Variants in C1orf174 observed in about 807,000 individuals in gnomAD.
C1orf174 encodes the protein UPF0688 protein C1orf174.
A neutral mutation model predicts 18.4 loss-of-function variants in C1orf174; 13 were observed. The observed-to-expected ratio is 0.71, with a 90% CI of 0.46 to 1.12. C1orf174 has a LOEUF of 1.12. Among genes scored for constraint, C1orf174 ranks in the 50% most tolerant of loss-of-function variants. The pLI, the probability that C1orf174 is intolerant of heterozygous loss-of-function variation, is 0.00. For missense variants in C1orf174, 309 were observed against 308.0 expected, an observed-to-expected ratio of 1.00 and a Z score of -0.02; for synonymous variants, 100 against 118.3, an observed-to-expected ratio of 0.85 and a Z score of 1.01.
At chr1:3,898,513 CAAA>C (rs1233645020) in intron 1 of C1orf174, among the ~76,000 whole-genome samples, 4 of 115,156 alleles carry the variant, frequency 3.5e-5, no homozygotes, top group Non-Finnish European at 5.5e-5. Context: ...GGTCTCAAAG[CAAA>C]AACAACAACA....
intron 1 of C1orf174, chr1:3,895,187 A>G (rs1381567942): frequency 6.6e-6 from 1 of 152,314 alleles, no homozygotes; most frequent in African/African-American, 2.4e-5. Flanking sequence ...GAACAGCTTT[A>G]AAGGAGTGGC....
rs145544758 is a variant in C1orf174, at chr1:3,893,675, G to A, written c.16-679C>T. Among the ~76,000 whole-genome samples the A allele has an allele frequency of 4.1e-3, 631 of 152,292 alleles. 2 individuals carry two copies. Among genetic ancestry groups the A allele is most frequent in the African/African-American group, 0.014 (581 of 41,562 alleles). ...CTTGGGAAGCTGAGGTAGGAGGATC[G>A]CTCGAGCCCAGGAGTTCAAGACCAG... is the stretch of plus-strand genomic sequence containing the variant. On this transcript the variant is annotated intron_variant, in intron 1 of 3. Coordinates refer to ENST00000361605, the MANE Select transcript of C1orf174 (RefSeq NM_207356.3).
In C1orf174 at chr1:3,900,158, G is replaced by T; in HGVS notation, c.15+14C>A. On this transcript the variant is annotated intron_variant, in intron 1 of 3. Transcript: ENST00000361605. ...CCCTGCCCGGCGCAGCTGCTGCCGG[G>T]ACCCAGCCCTCACCTTCCGGCTCCT... 1 of 1,580,216 alleles carries T rather than the reference G, an allele frequency of 6.3e-7. No homozygotes were observed.
At chr1:3,897,495 C>T (rs1017274312) in intron 1 of C1orf174, among the ~76,000 whole-genome samples, 7 of 151,810 alleles carry the variant, frequency 4.6e-5, no homozygotes, top group African/African-American at 7.3e-5. Flanking sequence ...AAAAAAAGAA[C>T]GAAGAAAAAT....
In C1orf174 at chr1:3,890,902, C is replaced by T. The variant is rs556201506; in HGVS notation, c.285G>A (p.Glu95=). The change falls in exon 3 of 4, where the codon GAG becomes GAA. Residue 95 remains glutamate, a synonymous_variant. Transcript: ENST00000361605. ...GAAGCAAGGCACTGCCTTCAGCAAACTCATTTTCACAAGGGGTCTCAGGTG... is the reference window on the plus strand; with the variant it reads ...GAAGCAAGGCACTGCCTTCAGCAAATTCATTTTCACAAGGGGTCTCAGGTG... The part of the protein sequence containing the change: ...KVTPETPCEN[E]FAEGSALLPG... The T allele has an allele frequency of 3.1e-6, 5 of 1,614,038 alleles. No homozygotes were observed. Among genetic ancestry groups the T allele is most frequent in the Admixed American group, 3.3e-5 (2 of 59,996 alleles).
Position 3,889,742 on chromosome 1 carries a change from C to A in C1orf174, c.*218G>T. The A allele has an allele frequency of 7.7e-6, 4 of 518,854 alleles. No homozygotes were observed. Among genetic ancestry groups the A allele is most frequent in the Non-Finnish European group, 1.4e-5 (4 of 284,792 alleles). The allele number at this position is 518,854 out of a possible 1,614,324, so 32.1% of individuals were successfully genotyped here. ...AAAAAGAAAGGACATTGGCACAGTA[C>A]AGCAGCTTTGCAACCTCAAAGATGG... is the stretch of plus-strand genomic sequence containing the variant. On this transcript the variant is annotated 3_prime_UTR_variant, in exon 4 of 4. Transcript: ENST00000361605.
intron 1 of C1orf174, among the ~76,000 whole-genome samples, chr1:3,899,836 T>C (rs552402615): frequency 2.0e-5 from 3 of 147,680 alleles, no homozygotes; most frequent in Non-Finnish European, 4.5e-5. Flanking sequence ...GGGCATGGCC[T>C]GGGAGCTCCC....
At chr1:3,892,701 A>G in intron 2 of C1orf174, 182 bp downstream of exon 2, 1 of 1,445,186 alleles carries the variant, frequency 6.9e-7, no homozygotes, top group Non-Finnish European at 9.1e-7. Flanking sequence ...CCTGGCCTGC[A>G]GAGTGTGTCT....
At chr1:3,898,369 G>C (rs1400474604) in intron 1 of C1orf174, among the ~76,000 whole-genome samples, 1 of 152,154 alleles carries the variant, frequency 6.6e-6, no homozygotes, top group African/African-American at 2.4e-5. Context: ...AATTAGCCGG[G>C]CGTAGTGGCA....
At position 3,900,062 on chromosome 1, in the gene C1orf174, C is replaced by T. The variant is rs184823250; in HGVS notation, c.15+110G>A. The T allele has an allele frequency of 1.0e-5, 14 of 1,358,202 alleles. No individual in the cohort carries two copies. In the East Asian group the frequency reaches 4.1e-4, roughly 40 times the overall value. 84.1% of individuals were successfully genotyped at this position (1,358,202 alleles called of 1,614,324 possible). On this transcript the variant is annotated intron_variant, in intron 1 of 3. Coordinates refer to ENST00000361605, the MANE Select transcript of C1orf174 (RefSeq NM_207356.3). ...GCCGGGGGCGAGGCCCAAGCGGAGG[C>T]CGCTCCTAGGCCACAGGCACCCCGT...
rs1430943966 is a variant in C1orf174 at position 3,890,061 on chromosome 1, C to A, written c.631G>T (p.Ala211Ser). ...NVELMQDLPP[A>S]SSSCPSMSRR... ...CTCATTGAAGGACAAGATGAAGACG[C>A]AGGTGGGAGGTCCTTAGTGGAGAAG... Residue 211 changes from alanine (A) to serine (S), a missense_variant, in exon 4 of 4, where the codon GCG becomes TCG. Physicochemically the swap from Ala to Ser is moderately conservative, Grantham distance 99. Coordinates refer to ENST00000361605, the MANE Select transcript of C1orf174 (RefSeq NM_207356.3). 2 of 1,613,910 alleles carry A rather than the reference C, an allele frequency of 1.2e-6. No homozygotes were observed. The highest frequency in any genetic ancestry group is 1.3e-5 in the African/African-American group (1 of 74,910).
At chr1:3,896,387 A>G (rs1052641174) in intron 1 of C1orf174, among the ~76,000 whole-genome samples, 2 of 152,210 alleles carry the variant, frequency 1.3e-5, no homozygotes, top group Non-Finnish European at 2.9e-5. Context: ...GCTGGGGAAG[A>G]CACATTTGGA....
Position 3,890,679 on chromosome 1 carries a change from C to CT in C1orf174, c.507dup (p.Glu170ArgfsTer18). ...TGAAGTGGTGGCTTCTGCACATCCT[C>CT]TGTCTGTAGCCCTGGCTCATTCTGC... On this transcript the variant is annotated frameshift_variant, in exon 3 of 4. Coordinates refer to ENST00000361605, the MANE Select transcript of C1orf174 (RefSeq NM_207356.3). LOFTEE classifies it high-confidence loss of function. 1.2e-6 allele frequency: 2 copies of CT among 1,614,176 alleles called. No individual in the cohort carries two copies. Among genetic ancestry groups the CT allele is most frequent in the Non-Finnish European group, 1.7e-6 (2 of 1,180,026 alleles).
intron 1 of C1orf174, among the ~76,000 whole-genome samples, chr1:3,897,911 C>A (rs1159245764): frequency 6.6e-6 from 1 of 152,136 alleles, no homozygotes; most frequent in Admixed American, 6.5e-5. Context: ...GATCCGCCTG[C>A]CTCAGCCTCC....
At chr1:3,899,939 C>T (rs921079396) in intron 1 of C1orf174, among the ~76,000 whole-genome samples, 3 of 152,032 alleles carry the variant, frequency 2.0e-5, no homozygotes, top group African/African-American at 7.2e-5. Context: ...GTGAGCTCCA[C>T]TTCTTCCGAG....
At chr1:3,892,736 G>A (rs867454353) in intron 2 of C1orf174, 147 bp downstream of exon 2, 1 of 1,471,008 alleles carries the variant, frequency 6.8e-7, no homozygotes, top group Middle Eastern at 1.8e-4. Flanking sequence ...TTACAGTGCT[G>A]TCACCTTTTC....
chr1:3,891,722 C>A, intron 2 of C1orf174: 1 of 986,056 alleles, frequency 1.0e-6, no homozygotes, highest in Non-Finnish European at 1.2e-6. Flanking sequence ...CTGCCTTTCT[C>A]TTCAAGCCTC....
intron 1 of C1orf174, among the ~76,000 whole-genome samples, chr1:3,898,608 C>T (rs1027821613): frequency 5.3e-5 from 8 of 152,164 alleles, no homozygotes; most frequent in African/African-American, 1.7e-4. Flanking sequence ...AAGCAAGTGA[C>T]CCCAGACAGT....
At chr1:3,895,713 C>T (rs1638594586) in intron 1 of C1orf174, 1 of 152,282 alleles carries the variant, frequency 6.6e-6, no homozygotes, top group African/African-American at 2.4e-5. Context: ...GAATTGGTCA[C>T]AGTCTCACTT....
Sources: allele counts gnomAD v4.1 joint callset (sites outside exome capture counted in the v4.1 genomes callset), GRCh38; gene constraint gnomAD v4.1.1; transcripts MANE v1.5; gene names NCBI Gene and HGNC (gene_info 2026-07-23, HGNC 2026-07-21).